Variants in DOCK1 observed in about 807,000 individuals in gnomAD.
DOCK1 encodes the protein dedicator of cytokinesis protein 1.
A neutral mutation model predicts 262.7 loss-of-function variants in DOCK1; 138 were observed. That is an observed-to-expected ratio of 0.53 (90% CI 0.46 to 0.61). The LOEUF (loss-of-function observed/expected upper bound fraction) is 0.61, where lower values mean the gene tolerates loss of function less well. Among genes scored for constraint, DOCK1 ranks in the 20% least tolerant of loss-of-function variants. DOCK1 has a pLI of 0.00. For missense variants in DOCK1, 1,908 were observed against 2,370.7 expected (o/e 0.80, Z 4.05); for synonymous variants, 866 against 867.4 (o/e 1.00, Z 0.03).
intron 25 of DOCK1, among the ~76,000 whole-genome samples, chr10:127,116,998 T>G (rs556014259): frequency 6.6e-6 from 1 of 152,336 alleles, no homozygotes; most frequent in East Asian, 1.9e-4. Flanking sequence ...TACTGCACCT[T>G]TTTCATCCCT....
chr10:127,208,668 A>AT (rs1052835239), intron 27 of DOCK1, among the ~76,000 whole-genome samples: 16 of 152,120 alleles, frequency 1.1e-4, no homozygotes, highest in African/African-American at 3.6e-4. Flanking sequence ...ACCCCGTTTC[A>AT]TTTTTTTAAA....
chr10:126,996,259 A>G (rs1223300016), intron 6 of DOCK1, among the ~76,000 whole-genome samples: 1 of 151,792 alleles, frequency 6.6e-6, no homozygotes, highest in Non-Finnish European at 1.5e-5. Flanking sequence ...ACACACCTGT[A>G]ACCCCAGCTA....
At chr10:127,397,304 CAACTCCTAT>C (rs2066937029) in intron 38 of DOCK1, among the ~76,000 whole-genome samples, 1 of 78,098 alleles carries the variant, frequency 1.3e-5, no homozygotes. Context: ...ACACGGGCGG[CAACTCCTAT>C]GTGATCTGAG....
At chr10:127,042,808 C>T (rs2044107173) in intron 20 of DOCK1, 94 bp downstream of exon 20, 3 of 1,284,290 alleles carry the variant, frequency 2.3e-6, no homozygotes, top group African/African-American at 2.9e-5. Flanking sequence ...GTCACAGTGA[C>T]CTTGAACGCA....
intron 25 of DOCK1, among the ~76,000 whole-genome samples, chr10:127,122,884 C>A (rs1046917971): frequency 1.3e-5 from 2 of 152,094 alleles, no homozygotes; most frequent in Admixed American, 1.3e-4. Flanking sequence ...CAGAGTAATT[C>A]TAACAAATGA....
intron 29 of DOCK1, among the ~76,000 whole-genome samples, chr10:127,279,316 A>G (rs956685644): frequency 3.9e-5 from 6 of 152,222 alleles, no homozygotes; most frequent in Admixed American, 2.0e-4. Flanking sequence ...AATCCTCTCA[A>G]TAGCCATAAG....
chr10:127,430,197 C>T (rs1202512168), intron 47 of DOCK1, among the ~76,000 whole-genome samples: 1 of 152,170 alleles, frequency 6.6e-6, no homozygotes, highest in Non-Finnish European at 1.5e-5. Context: ...CCATCTTTGC[C>T]ATCACAGTTG....
intron 28 of DOCK1, among the ~76,000 whole-genome samples, chr10:127,255,067 C>A (rs976262829): frequency 1.2e-4 from 19 of 152,190 alleles, no homozygotes; most frequent in African/African-American, 4.3e-4. Context: ...GCTATTAGAG[C>A]AGCCTGCTTA....
At chr10:127,266,179 C>T (rs147335051) in intron 29 of DOCK1, among the ~76,000 whole-genome samples, 1 of 152,326 alleles carries the variant, frequency 6.6e-6, no homozygotes, top group East Asian at 1.9e-4. Flanking sequence ...CTCTGCATCC[C>T]AATTAAGGGT....
chr10:127,025,209 A>T (rs1176064459), intron 15 of DOCK1: 1 of 153,152 alleles, frequency 6.5e-6, no homozygotes, highest in Non-Finnish European at 1.5e-5. Context: ...GATGGAGTAA[A>T]CACCGTCTCA....
intron 29 of DOCK1, among the ~76,000 whole-genome samples, chr10:127,307,454 G>A (rs537314927): frequency 9.2e-5 from 14 of 152,202 alleles, no homozygotes; most frequent in African/African-American, 2.7e-4. Context: ...GAGTTCTGTC[G>A]TTCAGTCCGC....
At chr10:127,435,751 C>T (rs1205138391) in intron 48 of DOCK1, among the ~76,000 whole-genome samples, 2 of 152,160 alleles carry the variant, frequency 1.3e-5, no homozygotes, top group Admixed American at 1.3e-4. Context: ...AACTGGAAGG[C>T]GTCTTTATTA....
intron 27 of DOCK1, among the ~76,000 whole-genome samples, chr10:127,213,846 A>C (rs2058084478): frequency 6.6e-6 from 1 of 151,924 alleles, no homozygotes; most frequent in Admixed American, 6.6e-5. Flanking sequence ...GCATCATTTC[A>C]TTCTTTTTTT....
At chr10:127,018,302 A>C (rs982925843) in intron 12 of DOCK1, among the ~76,000 whole-genome samples, 2 of 152,078 alleles carry the variant, frequency 1.3e-5, no homozygotes, top group Admixed American at 1.3e-4. Context: ...CACCTCCAGA[A>C]TCCTCCCCTG....
rs141636266 is a variant in DOCK1 at position 126,987,702 on chromosome 10, T to C, written c.324+85T>C. 255 of 1,230,208 alleles carry C rather than the reference T, an allele frequency of 2.1e-4. No individual in the cohort carries two copies. The East Asian group carries it at 3.0e-3, about 14-fold the overall frequency. 76.2% of individuals were successfully genotyped at this position (1,230,208 alleles called of 1,614,324 possible). A position where few individuals can be genotyped will look rare whatever the true frequency, so the allele number is the denominator to read the frequency against. On this transcript the variant is annotated intron_variant, in intron 5 of 51. Transcript: ENST00000623213. ...GATATGCCAATGGGATGTTTTTTTT[T>C]CTCAGCGAAACTTAAAAGCAGAGCT... is the stretch of plus-strand genomic sequence containing the variant.
At chr10:127,228,530 G>A (rs1388794759) in intron 27 of DOCK1, among the ~76,000 whole-genome samples, 1 of 152,200 alleles carries the variant, frequency 6.6e-6, no homozygotes, top group Non-Finnish European at 1.5e-5. Context: ...ACCAGGCACA[G>A]TCTGTGGCTT....
At chr10:127,449,630 G>A (rs996345298) in intron 51 of DOCK1, among the ~76,000 whole-genome samples, 1 of 152,150 alleles carries the variant, frequency 6.6e-6, no homozygotes, top group East Asian at 1.9e-4. Context: ...CAGGTGACAC[G>A]CTGGTGGTTA....
At chr10:127,216,309 TA>T (rs57559331) in intron 27 of DOCK1, among the ~76,000 whole-genome samples, 137,149 of 141,408 alleles carry the variant, frequency 0.97, 66,555 homozygotes, top group Non-Finnish European at 0.99. Flanking sequence ...GATAATTTAG[TA>T]AAAAAAAAAA....
chr10:127,246,690 G>A (rs746875895), intron 27 of DOCK1, among the ~76,000 whole-genome samples: 3 of 152,112 alleles, frequency 2.0e-5, no homozygotes, highest in South Asian at 4.1e-4. Context: ...TGCGTCCTTC[G>A]AGGACTCATT....
Sources: gnomAD v4.1 joint callset for allele counts (sites outside exome capture counted in the v4.1 genomes callset) on GRCh38, gnomAD v4.1.1 for gene constraint, MANE v1.5 for transcripts, NCBI Gene and HGNC (gene_info 2026-07-23, HGNC 2026-07-21) for gene names.